The following POU2F1 variants were observed in gnomAD, a reference collection of about 807,000 sequenced individuals.
The protein encoded by POU2F1 is POU class 2 homeobox 1, also known as POU domain, class 2, transcription factor 1.
A neutral mutation model predicts 84.9 loss-of-function variants in POU2F1; 16 were observed. The observed-to-expected ratio is 0.19, with a 90% CI of 0.13 to 0.29. POU2F1 has a LOEUF of 0.29. Ranked by LOEUF, POU2F1 falls within the 10% of genes least tolerant of loss-of-function variation. The probability of loss-of-function intolerance (pLI) is 1.00; values close to 1 mark genes in which losing one functional copy is unlikely to be tolerated. For missense variants in POU2F1, 738 were observed against 942.6 expected (o/e 0.78, Z 2.84); for synonymous variants, 368 against 368.3 (o/e 1.00, Z 0.01).
At chr1:167,400,550 A>G (rs987099232) in intron 12 of POU2F1, among the ~76,000 whole-genome samples, 2 of 152,192 alleles carry the variant, frequency 1.3e-5, no homozygotes, top group African/African-American at 2.4e-5. Context: ...TATTAAAACA[A>G]TCATCTCAGG....
intron 1 of POU2F1, among the ~76,000 whole-genome samples, chr1:167,239,861 A>G (rs984536260): frequency 5.3e-5 from 8 of 152,198 alleles, no homozygotes; most frequent in Non-Finnish European, 1.0e-4. Context: ...TGGAGAGATT[A>G]AAGATTAGAC....
intron 1 of POU2F1, among the ~76,000 whole-genome samples, chr1:167,310,938 C>G (rs920329241): frequency 2.0e-5 from 3 of 151,960 alleles, no homozygotes; most frequent in African/African-American, 7.3e-5. Context: ...TAGAAATTAC[C>G]CAATCTGAAC....
At chr1:167,324,750 T>C (rs887960917) in intron 1 of POU2F1, among the ~76,000 whole-genome samples, 2 of 152,210 alleles carry the variant, frequency 1.3e-5, no homozygotes, top group South Asian at 4.1e-4. Context: ...AGTAAGATTA[T>C]CCTTCAGATT....
chr1:167,383,777 A>G (rs1647743169), intron 7 of POU2F1, 80 bp from the exon 8 acceptor site: 5 of 1,307,742 alleles, frequency 3.8e-6, no homozygotes, highest in Non-Finnish European at 5.4e-6. Context: ...TTTTCAGCTC[A>G]TTTTCTGATT....
intron 7 of POU2F1, chr1:167,379,747 A>G (rs1647381999): frequency 6.6e-6 from 1 of 152,170 alleles, no homozygotes; most frequent in South Asian, 2.1e-4. Flanking sequence ...ATAGAATGAG[A>G]TTGCCTTCAT....
intron 1 of POU2F1, among the ~76,000 whole-genome samples, chr1:167,330,485 A>C (rs1657010987): frequency 6.6e-6 from 1 of 152,202 alleles, no homozygotes; most frequent in South Asian, 2.1e-4. Flanking sequence ...CAATTCAAAA[A>C]AAGGAAAGAA....
At chr1:167,315,536 G>A (rs1006405244) in intron 1 of POU2F1, among the ~76,000 whole-genome samples, 1 of 152,206 alleles carries the variant, frequency 6.6e-6, no homozygotes, top group Non-Finnish European at 1.5e-5. Context: ...GGCTACTTGG[G>A]AGACAGAAGT....
rs1656974022 is a variant in POU2F1, at chr1:167,329,967, C to T, written c.62-2503C>T. On this transcript the variant is annotated intron_variant, in intron 1 of 15. Coordinates refer to ENST00000367866, the MANE Select transcript of POU2F1 (RefSeq NM_002697.4). ...CCTTTTTAGAGTTTTCTCTGTAGAA[C>T]AGCAAGCCTTTTGGAGTGGAAGATG... Among the ~76,000 whole-genome samples, 3 of 152,210 alleles carry T rather than the reference C, an allele frequency of 2.0e-5. No individual in the cohort carries two copies. In the South Asian group the frequency reaches 6.2e-4, roughly 32 times the overall value.
chr1:167,305,548 G>C (rs564191744), intron 1 of POU2F1, among the ~76,000 whole-genome samples: 2 of 152,204 alleles, frequency 1.3e-5, no homozygotes, highest in Admixed American at 6.5e-5. Context: ...TCATGTAACC[G>C]TTTATTCCTG....
chr1:167,324,368 T>G (rs1656540551), intron 1 of POU2F1, among the ~76,000 whole-genome samples: 1 of 149,032 alleles, frequency 6.7e-6, no homozygotes, highest in African/African-American at 2.6e-5. Flanking sequence ...GTATTTAGTC[T>G]ATACATATAT....
At chr1:167,357,071 A>G (rs948575024) in intron 2 of POU2F1, among the ~76,000 whole-genome samples, 1 of 152,090 alleles carries the variant, frequency 6.6e-6, no homozygotes, top group African/African-American at 2.4e-5. Flanking sequence ...GACCATTAGG[A>G]AATGGCCTTT....
At chr1:167,372,754 A>G (rs1660089984) in intron 5 of POU2F1, among the ~76,000 whole-genome samples, 1 of 152,200 alleles carries the variant, frequency 6.6e-6, no homozygotes, top group African/African-American at 2.4e-5. Flanking sequence ...TGGCTATATT[A>G]AGCTTTTAAG....
In POU2F1 at chr1:167,253,387, C is replaced by CCCA. The variant is rs1553198383; in HGVS notation, c.61+32430_61+32432dup. On this transcript the variant is annotated intron_variant, in intron 1 of 15. Coordinates refer to ENST00000367866, the MANE Select transcript of POU2F1 (RefSeq NM_002697.4). ...TTCTTTATTTTTCTGCCCCCCCCCCCCCAAACACACAGGAGAGTGGAACTT... is the reference window on the plus strand; with the variant it reads ...TTCTTTATTTTTCTGCCCCCCCCCCCCCACCAAACACACAGGAGAGTGGAACTT... 1.6e-3 allele frequency among the ~76,000 whole-genome samples: 198 copies of CCCA among 124,332 alleles called. 6 individuals carry two copies. Among genetic ancestry groups the CCCA allele is most frequent in the African/African-American group, 5.3e-3 (176 of 32,934 alleles). 81.6% of individuals were successfully genotyped at this position (124,332 alleles called of 152,430 possible).
chr1:167,244,366 A>T (rs746554760), intron 1 of POU2F1, among the ~76,000 whole-genome samples: 1 of 152,146 alleles, frequency 6.6e-6, no homozygotes, highest in African/African-American at 2.4e-5. Flanking sequence ...TCAGTTCCTT[A>T]CTGGTGGTCG....
rs976350816 is a variant in POU2F1, at chr1:167,426,690, G to A, written c.*10880G>A. ...AGGGGCACAAGGGGAATTGGCCCCC[G>A]GCCTCCTAGAACTTTTTGTTTTATG... On this transcript the variant is annotated 3_prime_UTR_variant, in exon 16 of 16. Transcript: ENST00000367866. 7.6e-4 allele frequency: 115 copies of A among 151,992 alleles called. No individual in the cohort carries two copies. Among genetic ancestry groups the A allele is most frequent in the African/African-American group, 2.5e-3 (104 of 41,370 alleles). 9.4% of individuals were successfully genotyped at this position (151,992 alleles called of 1,614,324 possible).
chr1:167,241,300 G>A (rs1330884126), intron 1 of POU2F1: 2 of 152,084 alleles, frequency 1.3e-5, no homozygotes, highest in African/African-American at 4.8e-5. Context: ...CTTCATAAGG[G>A]CATGACTCAA....
chr1:167,315,975 G>T lies in POU2F1; in HGVS notation c.62-16495G>T, dbSNP rs146557453. On this transcript the variant is annotated intron_variant, in intron 1 of 15. Coordinates refer to ENST00000367866, the MANE Select transcript of POU2F1 (RefSeq NM_002697.4). ...AAGTAAAAAATGCCAATCTCAAATG[G>T]TCACGTTACTGTATGTTTCCATTTA... 9.9e-5 allele frequency among the ~76,000 whole-genome samples: 15 copies of T among 152,252 alleles called. 1 individual carries two copies. The highest frequency in any genetic ancestry group is 2.1e-4 in the Non-Finnish European group (14 of 68,022).
At chr1:167,233,056 C>T (rs911794497) in intron 1 of POU2F1, among the ~76,000 whole-genome samples, 1 of 152,046 alleles carries the variant, frequency 6.6e-6, no homozygotes, top group African/African-American at 2.4e-5. Flanking sequence ...GGTAAGTGCC[C>T]TCTACAGGTA....
intron 1 of POU2F1, among the ~76,000 whole-genome samples, chr1:167,272,402 A>C (rs548362315): frequency 2.5e-4 from 38 of 152,032 alleles, no homozygotes; most frequent in Middle Eastern, 3.4e-3. Context: ...AAAAAAAAAA[A>C]AAACCATATT....
Sources: allele counts gnomAD v4.1 joint callset (sites outside exome capture counted in the v4.1 genomes callset), GRCh38; gene constraint gnomAD v4.1.1; transcripts MANE v1.5; gene names NCBI Gene and HGNC (gene_info 2026-07-23, HGNC 2026-07-21).